HLF: variants seen among roughly 807,000 people sequenced by gnomAD.
The protein encoded by HLF is hepatic leukemia factor.
A neutral mutation model predicts 22.6 loss-of-function variants in HLF; 3 were observed. The ratio of observed to expected loss-of-function variants is 0.13; its 90% CI spans 0.06 to 0.34. The LOEUF is 0.34. HLF is among the 10% of genes least tolerant of loss of function. The pLI is 1.00. For missense variants in HLF, 299 were observed against 389.2 expected, an observed-to-expected ratio of 0.77 and a Z score of 1.95; for synonymous variants, 151 against 151.8, an observed-to-expected ratio of 0.99 and a Z score of 0.04.
intron 2 of HLF, among the ~76,000 whole-genome samples, chr17:55,277,317 G>A (rs1204515417): frequency 2.0e-5 from 3 of 151,146 alleles, no homozygotes; most frequent in Non-Finnish European, 4.4e-5. Flanking sequence ...TTGGGTTTGT[G>A]GGTGGGGGTG....
chr17:55,315,227 G>A lies in HLF; in HGVS notation c.452G>A (p.Gly151Asp). Reference protein sequence around the residue: ...PNCMQSPIRPGQLLPANRNTP... With the variant: ...PNCMQSPIRPDQLLPANRNTP... ...AATTAAAACTCCTGTGTTGTTCCAG[G>A]TCAGCTGTTGCCAGCAAACCGCAAT... The change falls in exon 3 of 4, where the codon GGT (glycine) becomes GAT (aspartate). Residue 151 changes from glycine to aspartate, a missense_variant and splice_region_variant. Gly to Asp is a moderately conservative substitution (Grantham distance 94, BLOSUM62 -1). This residue lies in a region of HLF where 224 missense variants were observed against 298.1 expected (regional missense o/e 0.75). Coordinates refer to ENST00000226067, the MANE Select transcript of HLF (RefSeq NM_002126.5). 2 of 1,613,718 alleles carry A rather than the reference G, an allele frequency of 1.2e-6. No individual in the cohort carries two copies. Among genetic ancestry groups the A allele is most frequent in the Non-Finnish European group, 1.7e-6 (2 of 1,179,742 alleles).
At chr17:55,270,712 G>A (rs957804554) in intron 2 of HLF, among the ~76,000 whole-genome samples, 1 of 141,816 alleles carries the variant, frequency 7.1e-6, no homozygotes, top group Admixed American at 7.5e-5. Context: ...CCAGGCTGGA[G>A]TGCAGTGGCG....
At chr17:55,297,270 C>G (rs2081118689) in intron 2 of HLF, among the ~76,000 whole-genome samples, 1 of 152,066 alleles carries the variant, frequency 6.6e-6, no homozygotes, top group Non-Finnish European at 1.5e-5. Flanking sequence ...GTTCATAAAC[C>G]ATTTTTTCTT....
rs541866733 is a variant in HLF, at chr17:55,289,421, G to C, written c.451+21335G>C. Among the ~76,000 whole-genome samples the C allele has an allele frequency of 8.5e-5, 13 of 152,284 alleles. No homozygotes were observed. In the East Asian group the frequency reaches 2.3e-3, roughly 27 times the overall value. On this transcript the variant is annotated intron_variant, in intron 2 of 3. Transcript: ENST00000226067. ...GCCCACAGCAGGAAATATAGTGTGA[G>C]CCTCTGGCAATATCCAGAGTTGCTT... is the stretch of plus-strand genomic sequence containing the variant.
chr17:55,304,986 G>A (rs980752242), intron 2 of HLF, among the ~76,000 whole-genome samples: 2 of 152,224 alleles, frequency 1.3e-5, no homozygotes, highest in Non-Finnish European at 2.9e-5. Context: ...AGGCCAGAGT[G>A]GGAGCATTGA....
chr17:55,314,320 A>G (rs975747918), intron 2 of HLF, among the ~76,000 whole-genome samples: 1 of 152,152 alleles, frequency 6.6e-6, no homozygotes, highest in African/African-American at 2.4e-5. Flanking sequence ...CTAATTTGTT[A>G]AATATTTCTT....
At position 55,325,097 on chromosome 17, in the gene HLF, A is replaced by G. The variant is rs1260528998; in HGVS notation, c.*4218A>G. 1 of 196,332 alleles carries G rather than the reference A, an allele frequency of 5.1e-6. No homozygotes were observed. Among genetic ancestry groups the G allele is most frequent in the African/African-American group, 2.3e-5 (1 of 43,240 alleles). The allele number at this position is 196,332 out of a possible 1,614,324, so 12.2% of individuals were successfully genotyped here. A position where few individuals can be genotyped will look rare whatever the true frequency, so the allele number is the denominator to read the frequency against. On this transcript the variant is annotated 3_prime_UTR_variant, in exon 4 of 4. Transcript: ENST00000226067. Reference sequence around the variant, plus strand: ...GTATTTTTATTAACAGTTGGCTAGCAATGGTATTCTGTTCCCACCTCGGTA... The same window carrying G: ...GTATTTTTATTAACAGTTGGCTAGCGATGGTATTCTGTTCCCACCTCGGTA...
intron 2 of HLF, among the ~76,000 whole-genome samples, chr17:55,301,203 A>G (rs2081154937): frequency 6.6e-6 from 1 of 152,238 alleles, no homozygotes; most frequent in Admixed American, 6.5e-5. Context: ...AAGCCCTTTT[A>G]TAGCACATAT....
intron 2 of HLF, among the ~76,000 whole-genome samples, chr17:55,306,075 T>G (rs926384363): frequency 3.3e-5 from 5 of 152,140 alleles, no homozygotes; most frequent in African/African-American, 1.2e-4. Flanking sequence ...TTACTGATAT[T>G]ACCAGAGAGG....
intron 2 of HLF, among the ~76,000 whole-genome samples, chr17:55,299,143 C>T (rs4239192): frequency 0.43 from 65,573 of 151,862 alleles, 14,769 homozygotes; most frequent in East Asian, 0.72. Context: ...GATTGCTCAC[C>T]GTACCCCAAA....
intron 2 of HLF, among the ~76,000 whole-genome samples, chr17:55,297,738 CTTTTTTT>C (rs34900287): frequency 6.4e-5 from 4 of 62,890 alleles, no homozygotes; most frequent in Non-Finnish European, 8.2e-5. Flanking sequence ...AACAGCATTT[CTTTTTTT>C]TTTTTTTTTT....
rs963305619 is a variant in HLF, at chr17:55,313,916, A to G, written c.452-1311A>G. Among the ~76,000 whole-genome samples, 3 of 152,336 alleles carry G rather than the reference A, an allele frequency of 2.0e-5. No individual in the cohort carries two copies. In the East Asian group the frequency reaches 5.8e-4, roughly 29 times the overall value. ...TCCCCACCAGGCCTTTCCAGAAGAC[A>G]GATGATCACGGTTTCACAGTTTTGC... On this transcript the variant is annotated intron_variant, in intron 2 of 3. Transcript: ENST00000226067.
chr17:55,265,349 T>C lies in HLF; in HGVS notation c.-136T>C. 3.3e-6 allele frequency: 2 copies of C among 609,490 alleles called. No homozygotes were observed. Among genetic ancestry groups the C allele is most frequent in the South Asian group, 4.0e-5 (2 of 50,212 alleles). The allele number at this position is 609,490 out of a possible 1,614,324, so 37.8% of individuals were successfully genotyped here. A position where few individuals can be genotyped will look rare whatever the true frequency, so the allele number is the denominator to read the frequency against. Reference sequence around the variant, plus strand: ...TATTTATAAAGATATAAGTAATTTTTTTCTTCCCTTTTCTCCACCGCCTTG... The same window carrying C: ...TATTTATAAAGATATAAGTAATTTTCTTCTTCCCTTTTCTCCACCGCCTTG... On this transcript the variant is annotated 5_prime_UTR_variant, in exon 1 of 4. Transcript: ENST00000226067.
rs370910673 is a variant in HLF, at chr17:55,306,285, G to A, written c.452-8942G>A. Among the ~76,000 whole-genome samples the A allele has an allele frequency of 2.0e-4, 31 of 152,280 alleles. No individual in the cohort carries two copies. In the South Asian group the frequency reaches 3.9e-3, roughly 19 times the overall value. On this transcript the variant is annotated intron_variant, in intron 2 of 3. Coordinates refer to ENST00000226067, the MANE Select transcript of HLF (RefSeq NM_002126.5). ...AAGCCCGTCTACCAGCCTACAGGAC[G>A]TCATTGCATTCACCTTCTCAGTAAA...
At chr17:55,285,464 C>T (rs9905362) in intron 2 of HLF, among the ~76,000 whole-genome samples, 156 of 152,342 alleles carry the variant, frequency 1.0e-3, no homozygotes, top group African/African-American at 3.0e-3. Flanking sequence ...TTGCATTTGC[C>T]AGGCCTGCAA....
At chr17:55,312,511 TAA>T (rs1904878153) in intron 2 of HLF, among the ~76,000 whole-genome samples, 1 of 152,238 alleles carries the variant, frequency 6.6e-6, no homozygotes, top group African/African-American at 2.4e-5. Flanking sequence ...CTTGACCCTT[TAA>T]AAAGAAAAAG....
chr17:55,274,955 T>G (rs1036539457), intron 2 of HLF, among the ~76,000 whole-genome samples: 2 of 152,240 alleles, frequency 1.3e-5, no homozygotes, highest in Non-Finnish European at 2.9e-5. Flanking sequence ...TTTGGATTTC[T>G]CTCCTGCTTC....
intron 2 of HLF, among the ~76,000 whole-genome samples, chr17:55,292,425 G>A (rs2081072294): frequency 6.6e-6 from 1 of 152,146 alleles, no homozygotes; most frequent in Admixed American, 6.5e-5. Flanking sequence ...AGGCTCAGGT[G>A]ATCTTTACCA....
intron 2 of HLF, among the ~76,000 whole-genome samples, chr17:55,313,296 C>T (rs1904918179): frequency 6.6e-6 from 1 of 151,510 alleles, no homozygotes; most frequent in South Asian, 2.1e-4. Context: ...GGTGAGGAGT[C>T]AGGTGGGGAT....
Sources: gnomAD v4.1 joint callset for allele counts (sites outside exome capture counted in the v4.1 genomes callset) on GRCh38, gnomAD v4.1.1 for gene constraint, gnomAD v4.1.1 regional missense constraint, MANE v1.5 for transcripts, NCBI Gene and HGNC (gene_info 2026-07-23, HGNC 2026-07-21) for gene names.